The following COG1 variants were observed in gnomAD, a reference collection of about 807,000 sequenced individuals.
COG1 encodes component of oligomeric golgi complex 1, also known as conserved oligomeric Golgi complex subunit 1.
A neutral mutation model predicts 102.2 loss-of-function variants in COG1; 61 were observed. That is an observed-to-expected ratio of 0.60 (90% CI 0.49 to 0.74). The LOEUF is 0.74. Among genes scored for constraint, COG1 ranks in the 30% least tolerant of loss-of-function variants. COG1 has a pLI of 0.00. For missense variants in COG1, 1,164 were observed against 1,232.1 expected (o/e 0.94, Z 0.83); for synonymous variants, 454 against 493.6 (o/e 0.92, Z 1.06).
chr17:73,205,231 GTAA>G (rs2061363312), intron 9 of COG1: 5 of 338,220 alleles, frequency 1.5e-5, no homozygotes, highest in Admixed American at 4.4e-5. Flanking sequence ...AAAGAATTCA[GTAA>G]GTCTTCTCTA....
chr17:73,197,022 C>G lies in COG1; in HGVS notation c.683C>G (p.Thr228Arg). 6.2e-7 allele frequency: 1 copy of G among 1,614,222 alleles called. No individual in the cohort carries two copies. The highest frequency in any genetic ancestry group is 8.5e-7 in the Non-Finnish European group (1 of 1,180,046). Reference sequence around the variant, plus strand: ...GAGAGTTCTCCTCGCCAAGCCCTCACAGACTTCCTGCTGGCCAGAAAGGCA... The same window carrying G: ...GAGAGTTCTCCTCGCCAAGCCCTCAGAGACTTCCTGCTGGCCAGAAAGGCA... ...LEESSPRQAL[T>R]DFLLARKATI... The change falls in exon 3 of 14, where the codon ACA (threonine) becomes AGA (arginine). Residue 228 changes from threonine (T) to arginine (R), a missense_variant. By Grantham distance (71) the Thr-to-Arg change is moderately conservative (BLOSUM62 -1). Transcript: ENST00000299886.
In COG1 at chr17:73,201,919, T is replaced by C. The variant is rs746053350; in HGVS notation, c.2073+19T>C. On this transcript the variant is annotated intron_variant, in intron 7 of 13. Coordinates refer to ENST00000299886, the MANE Select transcript of COG1 (RefSeq NM_018714.3). ...TGTGAAAGTGAGTGATGTAATTTCTTATCCCTGTCTTGTCTCACTTCTGTC... is the reference window on the plus strand; with the variant it reads ...TGTGAAAGTGAGTGATGTAATTTCTCATCCCTGTCTTGTCTCACTTCTGTC... The C allele has an allele frequency of 1.2e-6, 2 of 1,610,848 alleles. No individual in the cohort carries two copies. The highest frequency in any genetic ancestry group is 8.5e-7 in the Non-Finnish European group (1 of 1,177,600).
In COG1 at chr17:73,203,026, A is replaced by G. The variant is rs755364992; in HGVS notation, c.2100A>G (p.Ser700=). Residue 700 remains serine (S), a synonymous_variant, in exon 8 of 14, where the codon TCA becomes TCG. Coordinates refer to ENST00000299886, the MANE Select transcript of COG1 (RefSeq NM_018714.3). ...TTTTGATTCATGGATTCACCCAGTC[A>G]TTACTTCTAGATGATGCTGGCTCAG... is the stretch of plus-strand genomic sequence containing the variant. ...VKVLIHGFTQ[S]LLLDDAGSVL... is the part of the protein sequence containing the mutation. The G allele has an allele frequency of 1.2e-6, 2 of 1,614,046 alleles. No homozygotes were observed. The highest frequency in any genetic ancestry group is 1.7e-6 in the Non-Finnish European group (2 of 1,180,032).
At position 73,205,792 on chromosome 17, in the gene COG1, G is replaced by A. The variant is rs57562622; in HGVS notation, c.2510+112G>A. ...GTTATACTGCACATTCATTGTGTTT[G>A]TTTTGAACAGTAAGTGCTCATATTG... On this transcript the variant is annotated intron_variant, in intron 10 of 13. Transcript: ENST00000299886. 5.4e-3 allele frequency: 7,471 copies of A among 1,384,532 alleles called. 326 individuals are homozygous for A. In the African/African-American group the frequency reaches 0.092, roughly 17 times the overall value. The allele number at this position is 1,384,532 out of a possible 1,614,324, so 85.8% of individuals were successfully genotyped here. A position where few individuals can be genotyped will look rare whatever the true frequency, so the allele number is the denominator to read the frequency against.
Position 73,203,067 on chromosome 17 carries a change from C to T in COG1, c.2141C>T (p.Thr714Ile), listed in dbSNP as rs2061353626. ...DDAGSVLATATSWDELEIQEE... is the reference protein window; with the variant it reads ...DDAGSVLATAISWDELEIQEE... ...GCTGGCTCAGTTCTGGCCACAGCCA[C>T]CAGCTGGGATGAGCTAGAAATTCAG... Residue 714 changes from threonine (T) to isoleucine (I), a missense_variant, in exon 8 of 14, where the codon ACC (threonine) becomes ATC (isoleucine). Transcript: ENST00000299886. The T allele has an allele frequency of 2.5e-6, 4 of 1,614,054 alleles. No individual in the cohort carries two copies. Among genetic ancestry groups the T allele is most frequent in the Non-Finnish European group, 3.4e-6 (4 of 1,180,034 alleles).
In COG1 at chr17:73,193,288, C is replaced by T; in HGVS notation, c.219C>T (p.Ala73=). ...CCATCGGCCAGATGCGCCGCTGCGC[C>T]GTGGGGCTAGTGGACGCCGTGAAGG... ...ADTIGQMRRC[A]VGLVDAVKAT... Residue 73 remains alanine, a synonymous_variant, in exon 1 of 14, where the codon GCC becomes GCT. Transcript: ENST00000299886. 2 of 1,599,838 alleles carry T rather than the reference C, an allele frequency of 1.3e-6. No individual in the cohort carries two copies. Among genetic ancestry groups the T allele is most frequent in the Non-Finnish European group, 1.7e-6 (2 of 1,174,796 alleles).
At chr17:73,194,080 G>A (rs1343886722) in intron 1 of COG1, among the ~76,000 whole-genome samples, 1 of 152,028 alleles carries the variant, frequency 6.6e-6, no homozygotes, top group Non-Finnish European at 1.5e-5. Context: ...CTATTGATTA[G>A]ACACAATGAG....
intron 4 of COG1, among the ~76,000 whole-genome samples, chr17:73,197,950 C>T (rs964495957): frequency 6.6e-6 from 1 of 152,226 alleles, no homozygotes; most frequent in Admixed American, 6.5e-5. Context: ...TGGAAGCCTC[C>T]TGGGACCTTC....
intron 4 of COG1, among the ~76,000 whole-genome samples, chr17:73,198,407 G>C (rs983198667): frequency 6.6e-6 from 1 of 152,174 alleles, no homozygotes; most frequent in Non-Finnish European, 1.5e-5. Flanking sequence ...GGGCAGCATA[G>C]TGAGACCCCA....
At chr17:73,193,462 C>G (rs1203138586) in intron 1 of COG1, 78 bp downstream of exon 1, 1 of 1,357,054 alleles carries the variant, frequency 7.4e-7, no homozygotes, top group African/African-American at 1.5e-5. Flanking sequence ...CCCCGCCCCC[C>G]TCTGTCAGTC....
chr17:73,200,621 A>G lies in COG1; in HGVS notation c.1126A>G (p.Met376Val), dbSNP rs746010095. 7.4e-6 allele frequency: 12 copies of G among 1,614,120 alleles called. No homozygotes were observed. Among genetic ancestry groups the G allele is most frequent in the Non-Finnish European group, 5.1e-6 (6 of 1,180,052 alleles). ...CAACCTGCTCATGTACGTGAAGAGC[A>G]TGAAGGGTCTCGCGGGAATCCGGGA... is the stretch of plus-strand genomic sequence containing the variant. ...ITNLLMYVKS[M>V]KGLAGIRDAM... The change falls in exon 6 of 14, where the codon ATG (methionine) becomes GTG (valine). Residue 376 changes from methionine (M) to valine (V), a missense_variant. Coordinates refer to ENST00000299886, the MANE Select transcript of COG1 (RefSeq NM_018714.3).
At position 73,203,687 on chromosome 17, in the gene COG1, T is replaced by C. The variant is rs745425995; in HGVS notation, c.2276T>C (p.Val759Ala). The C allele has an allele frequency of 1.2e-6, 2 of 1,614,188 alleles. No homozygotes were observed. The highest frequency in any genetic ancestry group is 1.1e-5 in the South Asian group (1 of 91,088). ...LFSLCQEINR[V>A]GGHALPKVTL... ...AGTTTATGCCAGGAAATTAATCGGG[T>C]TGGAGGCCATGCCTTGCCAAAGGTG... Residue 759 changes from valine (V) to alanine (A), a missense_variant, in exon 9 of 14, where the codon GTT becomes GCT. Val to Ala is a moderately conservative substitution (Grantham distance 64). Transcript: ENST00000299886.
intron 1 of COG1, among the ~76,000 whole-genome samples, chr17:73,193,973 C>T (rs1308678486): frequency 6.6e-6 from 1 of 152,100 alleles, no homozygotes; most frequent in African/African-American, 2.4e-5. Flanking sequence ...CCACAGCCGG[C>T]CAAGCCCTTA....
intron 1 of COG1, among the ~76,000 whole-genome samples, chr17:73,194,683 C>T (rs1209703162): frequency 6.6e-6 from 1 of 152,000 alleles, no homozygotes; most frequent in Non-Finnish European, 1.5e-5. Context: ...CGGCTGGTCT[C>T]CAACCCCTGA....
Position 73,197,415 on chromosome 17 carries a change from T to C in COG1, c.913+19T>C. ...CCTGCCGGTGAGCTCTTAGCCAAGC[T>C]TTTTAAATTCTGGTTCACTCAACTG... On this transcript the variant is annotated intron_variant, in intron 4 of 13. Coordinates refer to ENST00000299886, the MANE Select transcript of COG1 (RefSeq NM_018714.3). The C allele has an allele frequency of 6.2e-7, 1 of 1,613,152 alleles. No individual in the cohort carries two copies. The highest frequency in any genetic ancestry group is 1.1e-5 in the South Asian group (1 of 91,080).
intron 8 of COG1, 114 bp downstream of exon 8, chr17:73,203,260 G>T: frequency 1.5e-6 from 2 of 1,372,036 alleles, no homozygotes; most frequent in Non-Finnish European, 2.0e-6. Flanking sequence ...AGTAACATCT[G>T]TAATTTTCTA....
chr17:73,204,417 G>A (rs190937625), intron 9 of COG1, among the ~76,000 whole-genome samples: 4 of 144,620 alleles, frequency 2.8e-5, no homozygotes, highest in Non-Finnish European at 5.9e-5. Context: ...GGGAGTTAGA[G>A]AGAACAGTTG....
At chr17:73,204,994 C>G (rs1443759220) in intron 9 of COG1, 1 of 170,550 alleles carries the variant, frequency 5.9e-6, no homozygotes, top group Non-Finnish European at 1.3e-5. Context: ...GAAACCCCAT[C>G]TCTACTAAAA....
rs746795279 is a variant in COG1, at chr17:73,207,225, A to C, written c.2774A>C (p.Lys925Thr). The part of the protein sequence containing the change: ...PLSMTSTRKA[K>T]STRNIETKAQ... ...AGCATGACAAGCACTCGAAAGGCTAAATCAACCAGAAACATCGAAACAAAA... is the reference window on the plus strand; with the variant it reads ...AGCATGACAAGCACTCGAAAGGCTACATCAACCAGAAACATCGAAACAAAA... Residue 925 changes from lysine (K) to threonine (T), a missense_variant, in exon 13 of 14, where the codon AAA becomes ACA. Physicochemically the swap from Lys to Thr is moderately conservative, Grantham distance 78. Coordinates refer to ENST00000299886, the MANE Select transcript of COG1 (RefSeq NM_018714.3). 3 of 1,614,122 alleles carry C rather than the reference A, an allele frequency of 1.9e-6. No homozygotes were observed. The highest frequency in any genetic ancestry group is 1.1e-5 in the South Asian group (1 of 91,078).
Sources: allele counts gnomAD v4.1 joint callset (sites outside exome capture counted in the v4.1 genomes callset), GRCh38; gene constraint gnomAD v4.1.1; transcripts MANE v1.5; gene names NCBI Gene and HGNC (gene_info 2026-07-23, HGNC 2026-07-21).